ANP32B: variants seen among roughly 807,000 people sequenced by gnomAD.
ANP32B encodes the protein acidic leucine-rich nuclear phosphoprotein 32 family member B.
In ANP32B, 6 loss-of-function variants were observed where a neutral mutation model predicts 32.2. That is an observed-to-expected ratio of 0.19 (90% CI 0.10 to 0.37). ANP32B has a LOEUF of 0.37. ANP32B is among the 10% of genes least tolerant of loss of function. The pLI is 1.00. For missense variants in ANP32B, 204 were observed against 289.2 expected, an observed-to-expected ratio of 0.71 and a Z score of 2.14; for synonymous variants, 98 against 105.8, an observed-to-expected ratio of 0.93 and a Z score of 0.45.
chr9:97,996,588 T>C (rs1229857305), intron 2 of ANP32B, among the ~76,000 whole-genome samples: 1 of 152,074 alleles, frequency 6.6e-6, no homozygotes, highest in Non-Finnish European at 1.5e-5. Flanking sequence ...GAACACAAAT[T>C]GGTTTTGTTT....
chr9:97,986,898 T>C (rs897658447), intron 1 of ANP32B: 2 of 152,250 alleles, frequency 1.3e-5, no homozygotes, highest in Admixed American at 1.3e-4. Context: ...AGAGGGCGAA[T>C]AGGGGTTTAA....
chr9:98,014,574 A>G (rs910636407), intron 6 of ANP32B, among the ~76,000 whole-genome samples: 7 of 152,178 alleles, frequency 4.6e-5, no homozygotes, highest in East Asian at 3.8e-4. Flanking sequence ...GTTTGCTACA[A>G]TTTGAGTCTT....
Position 98,015,502 on chromosome 9 carries a change from T to TA in ANP32B, c.*85dup, listed in dbSNP as rs372263861. 141,345 of 1,008,830 alleles carry TA rather than the reference T, an allele frequency of 0.14. 1,570 individuals are homozygous for TA. The highest frequency in any genetic ancestry group is 0.3 in the African/African-American group (18,525 of 60,862). The allele number at this position is 1,008,830 out of a possible 1,614,324, so 62.5% of individuals were successfully genotyped here. On this transcript the variant is annotated 3_prime_UTR_variant, in exon 7 of 7. Coordinates refer to ENST00000339399, the MANE Select transcript of ANP32B (RefSeq NM_006401.3). ...ACTGCTCATGGATTTTGTAGCTGTTTAAAAAAAAAAAAAAGGTAGCTGTGA... is the reference window on the plus strand; with the variant it reads ...ACTGCTCATGGATTTTGTAGCTGTTTAAAAAAAAAAAAAAAGGTAGCTGTGA...
intron 3 of ANP32B, among the ~76,000 whole-genome samples, chr9:97,999,831 CA>C (rs2131586365): frequency 6.6e-6 from 1 of 152,302 alleles, no homozygotes; most frequent in South Asian, 2.1e-4. Context: ...AGGGCAGCCC[CA>C]CAGGCTGTGC....
chr9:97,983,520 G>A lies in ANP32B; in HGVS notation c.-36G>A, dbSNP rs763845845. ...CCTCTCCCCCCTCCGCCCCCGCCGC[G>A]GAAAGTTAAGTTTGAAGAGGGGGGA... On this transcript the variant is annotated 5_prime_UTR_variant, in exon 1 of 7. Coordinates refer to ENST00000339399, the MANE Select transcript of ANP32B (RefSeq NM_006401.3). 6.5e-6 allele frequency: 10 copies of A among 1,543,064 alleles called. No homozygotes were observed. The highest frequency in any genetic ancestry group is 3.9e-5 in the Admixed American group (2 of 50,892).
intron 4 of ANP32B, among the ~76,000 whole-genome samples, chr9:98,008,834 G>A (rs757170669): frequency 1.3e-5 from 2 of 152,122 alleles, no homozygotes; most frequent in Non-Finnish European, 2.9e-5. Flanking sequence ...TGTAATAATA[G>A]AAATAAAGTG....
chr9:97,985,399 C>T (rs1440289978), intron 1 of ANP32B, among the ~76,000 whole-genome samples: 1 of 152,156 alleles, frequency 6.6e-6, no homozygotes, highest in African/African-American at 2.4e-5. Context: ...CCGGGGGTTG[C>T]GAGATGGAGG....
At chr9:97,992,066 T>C (rs1005867814) in intron 1 of ANP32B, among the ~76,000 whole-genome samples, 3 of 152,218 alleles carry the variant, frequency 2.0e-5, no homozygotes, top group African/African-American at 4.8e-5. Flanking sequence ...CCTGTCATCA[T>C]GAAGCTTAGT....
intron 3 of ANP32B, chr9:98,002,349 T>A (rs1828007759): frequency 6.6e-6 from 1 of 152,162 alleles, no homozygotes. Flanking sequence ...ACCTGGGCCA[T>A]CCAAACCATC....
At chr9:97,987,936 G>A (rs1827764796) in intron 1 of ANP32B, among the ~76,000 whole-genome samples, 1 of 152,010 alleles carries the variant, frequency 6.6e-6, no homozygotes, top group African/African-American at 2.4e-5. Context: ...CCTTGTATAA[G>A]TAATACATCT....
Position 98,005,009 on chromosome 9 carries a change from G to A in ANP32B, c.373G>A (p.Val125Ile). Residue 125 changes from valine to isoleucine, a missense_variant, in exon 4 of 7, where the codon GTT becomes ATT. Val to Ile is a conservative substitution (Grantham distance 29). Coordinates refer to ENST00000339399, the MANE Select transcript of ANP32B (RefSeq NM_006401.3). ...AAGCCTGGACCTCTTTAACTGTGAG[G>A]TTACCAACCTGAATGACTACCGAGA... ...LKSLDLFNCE[V>I]TNLNDYRESV... The A allele has an allele frequency of 6.2e-7, 1 of 1,613,758 alleles. No individual in the cohort carries two copies. Among genetic ancestry groups the A allele is most frequent in the Non-Finnish European group, 8.5e-7 (1 of 1,179,884 alleles).
intron 1 of ANP32B, among the ~76,000 whole-genome samples, chr9:97,987,865 G>T (rs569447423): frequency 5.3e-5 from 8 of 152,214 alleles, no homozygotes; most frequent in African/African-American, 1.9e-4. Flanking sequence ...CTACTGTGAT[G>T]TAATTTTGAG....
At chr9:98,007,666 G>A (rs752378642) in intron 4 of ANP32B, among the ~76,000 whole-genome samples, 1 of 152,194 alleles carries the variant, frequency 6.6e-6, no homozygotes, top group African/African-American at 2.4e-5. Context: ...ACGGCTTTCT[G>A]GTTTCACTAC....
At position 97,996,553 on chromosome 9, in the gene ANP32B, A is replaced by T. The variant is rs77794948; in HGVS notation, c.204+1773A>T. 4.0e-3 allele frequency among the ~76,000 whole-genome samples: 610 copies of T among 152,248 alleles called. 3 individuals are homozygous for T. The highest frequency in any genetic ancestry group is 0.014 in the African/African-American group (562 of 41,548). ...AGGTTGAGTGTACTCATGATTGATAAGAACTTTATTTTCTTCCTATTCCAG... is the reference window on the plus strand; with the variant it reads ...AGGTTGAGTGTACTCATGATTGATATGAACTTTATTTTCTTCCTATTCCAG... On this transcript the variant is annotated intron_variant, in intron 2 of 6. Transcript: ENST00000339399.
chr9:97,995,486 C>G (rs1258319100), intron 2 of ANP32B, among the ~76,000 whole-genome samples: 1 of 152,186 alleles, frequency 6.6e-6, no homozygotes, highest in African/African-American at 2.4e-5. Flanking sequence ...AACTAAGGCA[C>G]ACGTAGAAGG....
chr9:98,009,371 C>T (rs1265011037), intron 4 of ANP32B, among the ~76,000 whole-genome samples: 5 of 152,186 alleles, frequency 3.3e-5, no homozygotes, highest in African/African-American at 4.8e-5. Context: ...ACGCTTCTCA[C>T]GTACAGGTGG....
chr9:97,985,387 C>T (rs1827708427), intron 1 of ANP32B, among the ~76,000 whole-genome samples: 1 of 152,178 alleles, frequency 6.6e-6, no homozygotes. Context: ...GGGTGGGCCG[C>T]TCCGGGGGTT....
At chr9:97,999,232 G>T (rs540508345) in intron 3 of ANP32B, among the ~76,000 whole-genome samples, 1 of 152,288 alleles carries the variant, frequency 6.6e-6, no homozygotes, top group African/African-American at 2.4e-5. Flanking sequence ...CTTCAGAAGA[G>T]AATTTTTGGG....
intron 5 of ANP32B, among the ~76,000 whole-genome samples, chr9:98,012,077 A>C (rs1156834743): frequency 6.6e-6 from 1 of 152,222 alleles, no homozygotes; most frequent in Non-Finnish European, 1.5e-5. Context: ...GTTCTGAAAG[A>C]AGCTTTGTAT....
Sources: gnomAD v4.1 joint callset for allele counts (sites outside exome capture counted in the v4.1 genomes callset) on GRCh38, gnomAD v4.1.1 for gene constraint, MANE v1.5 for transcripts, NCBI Gene and HGNC (gene_info 2026-07-23, HGNC 2026-07-21) for gene names.